Variants in NEU4 observed in about 807,000 individuals in gnomAD.
NEU4 encodes neuraminidase 4.
A neutral mutation model predicts 9.9 loss-of-function variants in NEU4; 7 were observed. The ratio of observed to expected loss-of-function variants is 0.71; its 90% confidence interval spans 0.40 to 1.33. The LOEUF (loss-of-function observed/expected upper bound fraction) is 1.33. NEU4 is among the 40% of genes most tolerant of loss of function. NEU4 has a pLI of 0.01. For synonymous variants in NEU4, 348 were observed against 316.9 expected, an observed-to-expected ratio of 1.10 and a Z score of -1.04; for missense variants, 717 against 712.6, an observed-to-expected ratio of 1.01 and a Z score of -0.07.
rs200439365 is a variant in NEU4, at chr2:241,816,611, C to T, written c.1018C>T (p.Arg340Trp). ...TGGGCCCTTCAGCCGTCTGCAGCCTCGGGGGGATGGCCCCAGGCAGCCTGG... is the reference window on the plus strand; with the variant it reads ...TGGGCCCTTCAGCCGTCTGCAGCCTTGGGGGGATGGCCCCAGGCAGCCTGG... ...PGGPFSRLQP[R>W]GDGPRQPGPR... Residue 340 changes from arginine to tryptophan, a missense_variant, in exon 4 of 4, where the codon CGG becomes TGG. Arg to Trp is a moderately radical substitution (Grantham distance 101). Coordinates refer to ENST00000407683, the MANE Select transcript of NEU4 (RefSeq NM_001167600.3). The T allele has an allele frequency of 2.8e-5, 44 of 1,580,080 alleles. No homozygotes were observed. The highest frequency in any genetic ancestry group is 1.3e-4 in the African/African-American group (10 of 74,136).
At chr2:241,813,490 C>A in intron 1 of NEU4, 1 of 1,180,288 alleles carries the variant, frequency 8.5e-7, no homozygotes, top group South Asian at 1.6e-5. Flanking sequence ...TGCCTTTGTG[C>A]GATCAGACTG....
Position 241,814,649 on chromosome 2 carries a change from G to A in NEU4, c.165G>A (p.Val55=). 1.9e-6 allele frequency: 3 copies of A among 1,580,634 alleles called. No homozygotes were observed. The highest frequency in any genetic ancestry group is 2.6e-6 in the Non-Finnish European group (3 of 1,164,794). The change falls in exon 2 of 4, where the codon GTG becomes GTA. Residue 55 remains valine (V), a synonymous_variant. Transcript: ENST00000407683. ...ACGACTCCCACGCCCACCGCCTGGT[G>A]CTGAGGAGGGGCACGCTGGCCGGGG... is the stretch of plus-strand genomic sequence containing the variant. ...SPDDSHAHRL[V]LRRGTLAGGS... is the part of the protein sequence containing the mutation.
In NEU4 at chr2:241,814,701, G is replaced by A. The variant is rs1700250285; in HGVS notation, c.201+16G>A. On this transcript the variant is annotated intron_variant, in intron 2 of 3. Coordinates refer to ENST00000407683, the MANE Select transcript of NEU4 (RefSeq NM_001167600.3). The stretch of plus-strand genomic sequence containing the variant: ...CTCCGTGCGGGTGAGTGAGTGGCCG[G>A]GGGCTCTGTGTGGGTGTAGTGGCCG... 6.5e-7 allele frequency: 1 copy of A among 1,537,906 alleles called. No individual in the cohort carries two copies. The highest frequency in any genetic ancestry group is 2.4e-5 in the East Asian group (1 of 41,094).
At chr2:241,809,405 G>C in intron 1 of NEU4, 131 bp downstream of exon 1, 1 of 433,922 alleles carries the variant, frequency 2.3e-6, no homozygotes, top group Non-Finnish European at 4.2e-6. Context: ...ATGCTGCCAC[G>C]TCGTGCAGCC....
At chr2:241,809,569 G>A (rs575761178) in intron 1 of NEU4, 37 of 331,444 alleles carry the variant, frequency 1.1e-4, no homozygotes, top group East Asian at 1.8e-4. Context: ...TTCACCCCAC[G>A]GGGACAGAGC....
chr2:241,816,003 A>T (rs758393107), intron 3 of NEU4, 48 bp from the exon 4 acceptor site: 16 of 1,508,428 alleles, frequency 1.1e-5, no homozygotes, highest in Non-Finnish European at 1.3e-5. Flanking sequence ...CAGCCCCCCG[A>T]CCTCGGGGAC....
At chr2:241,810,087 G>T (rs950660280) in intron 1 of NEU4, among the ~76,000 whole-genome samples, 1 of 152,304 alleles carries the variant, frequency 6.6e-6, no homozygotes, top group East Asian at 1.9e-4. Context: ...TGGGGAGGTT[G>T]TCCCTTCCCA....
At chr2:241,809,584 G>C (rs1029952784) in intron 1 of NEU4, 1 of 325,728 alleles carries the variant, frequency 3.1e-6, no homozygotes, top group African/African-American at 2.2e-5. Context: ...CAGAGCCCCA[G>C]ATGGGCCCAG....
At chr2:241,811,966 G>A (rs1305424142) in intron 1 of NEU4, 2 of 157,352 alleles carry the variant, frequency 1.3e-5, no homozygotes, top group African/African-American at 4.8e-5. Context: ...TCTGTGCAAA[G>A]GGCCTCTGCA....
intron 1 of NEU4, chr2:241,810,752 C>T (rs1700087909): frequency 1.2e-5 from 2 of 162,742 alleles, no homozygotes; most frequent in Admixed American, 6.7e-5. Context: ...GGCAGGCCAG[C>T]GTGAAAGGGA....
chr2:241,815,635 T>C, intron 3 of NEU4: 1 of 484,134 alleles, frequency 2.1e-6, no homozygotes, highest in East Asian at 5.7e-5. Flanking sequence ...CTTCTCACCC[T>C]GCCCAGGGCC....
chr2:241,811,355 G>A (rs1002466182), intron 1 of NEU4: 77 of 1,453,794 alleles, frequency 5.3e-5, no homozygotes, highest in Middle Eastern at 3.7e-4. Flanking sequence ...GCCCTGAGAC[G>A]TGGCCAGCTC....
Position 241,814,920 on chromosome 2 carries a change from C to T in NEU4, c.230C>T (p.Ala77Val). 1 of 1,611,710 alleles carries T rather than the reference C, an allele frequency of 6.2e-7. No individual in the cohort carries two copies. Among genetic ancestry groups the T allele is most frequent in the Non-Finnish European group, 8.5e-7 (1 of 1,179,498 alleles). ...GGTGCCCTGCACGTGCTGGGGACAG[C>T]AGCCCTGGCGGAGCACCGGTCCATG... ...RWGALHVLGT[A>V]ALAEHRSMNP... The change falls in exon 3 of 4, where the codon GCA becomes GTA. Residue 77 changes from alanine (A) to valine (V), a missense_variant. Physicochemically the swap from Ala to Val is moderately conservative, Grantham distance 64 (BLOSUM62 0). Coordinates refer to ENST00000407683, the MANE Select transcript of NEU4 (RefSeq NM_001167600.3).
intron 1 of NEU4, among the ~76,000 whole-genome samples, chr2:241,812,757 T>A (rs1295291599): frequency 6.7e-6 from 1 of 148,744 alleles, no homozygotes; most frequent in Non-Finnish European, 1.5e-5. Context: ...TTCCCCTCTG[T>A]GCAACAAGGG....
intron 1 of NEU4, chr2:241,811,391 C>A: frequency 6.6e-7 from 1 of 1,522,480 alleles, no homozygotes. Context: ...GCACAGTGGG[C>A]CCTTGTCTCT....
intron 1 of NEU4, among the ~76,000 whole-genome samples, chr2:241,812,922 G>T (rs1700176696): frequency 1.3e-5 from 2 of 152,220 alleles, no homozygotes; most frequent in South Asian, 4.1e-4. Context: ...GCTTGTGCCT[G>T]CTCAGCCCAG....
In NEU4 at chr2:241,809,281, T is replaced by A; in HGVS notation, c.-4+7T>A. On this transcript the variant is annotated splice_region_variant and intron_variant, in intron 1 of 3. Coordinates refer to ENST00000407683, the MANE Select transcript of NEU4 (RefSeq NM_001167600.3). ...TTGGCGGGAACTGAAACTGGTACGG[T>A]CTTTTTGAATAGAAATTTGGGGTCT... The A allele has an allele frequency of 7.8e-7, 1 of 1,286,410 alleles. No individual in the cohort carries two copies. Among genetic ancestry groups the A allele is most frequent in the South Asian group, 1.2e-5 (1 of 80,956 alleles). 79.7% of individuals were successfully genotyped at this position (1,286,410 alleles called of 1,614,324 possible). A position where few individuals can be genotyped will look rare whatever the true frequency, so the allele number is the denominator to read the frequency against.
chr2:241,810,199 A>G (rs1173239706), intron 1 of NEU4, among the ~76,000 whole-genome samples: 1 of 152,138 alleles, frequency 6.6e-6, no homozygotes, highest in Admixed American at 6.5e-5. Context: ...CTGTGAGTGC[A>G]CAGGACACTG....
chr2:241,816,600 G>T lies in NEU4; in HGVS notation c.1007G>T (p.Arg336Leu). 2 of 1,592,842 alleles carry T rather than the reference G, an allele frequency of 1.3e-6. No individual in the cohort carries two copies. The highest frequency in any genetic ancestry group is 8.5e-7 in the Non-Finnish European group (1 of 1,171,098). Residue 336 changes from arginine to leucine, a missense_variant, in exon 4 of 4, where the codon CGT becomes CTT. Coordinates refer to ENST00000407683, the MANE Select transcript of NEU4 (RefSeq NM_001167600.3). Reference protein sequence around the residue: ...GGQVPGGPFSRLQPRGDGPRQ... With the variant: ...GGQVPGGPFSLLQPRGDGPRQ... ...CAGGTGCCTGGTGGGCCCTTCAGCC[G>T]TCTGCAGCCTCGGGGGGATGGCCCC...
Sources: allele counts gnomAD v4.1 joint callset (sites outside exome capture counted in the v4.1 genomes callset), GRCh38; gene constraint gnomAD v4.1.1; transcripts MANE v1.5; gene names NCBI Gene and HGNC (gene_info 2026-07-23, HGNC 2026-07-21).